Variants in HEATR5B observed in about 807,000 individuals in gnomAD.
The protein encoded by HEATR5B is HEAT repeat-containing protein 5B.
A neutral mutation model predicts 224.1 loss-of-function variants in HEATR5B; 156 were observed. The observed-to-expected ratio is 0.70, with a 90% confidence interval of 0.61 to 0.80. HEATR5B has a LOEUF of 0.80. HEATR5B is among the 30% of genes least tolerant of loss of function. The pLI is 0.00. For synonymous variants in HEATR5B, 1,027 were observed against 893.0 expected (o/e 1.15, Z -2.68); for missense variants, 2,323 against 2,535.5 (o/e 0.92, Z 1.80).
chr2:37,079,742 A>C (rs1358930128), intron 2 of HEATR5B, among the ~76,000 whole-genome samples: 1 of 152,212 alleles, frequency 6.6e-6, no homozygotes, highest in Non-Finnish European at 1.5e-5. Flanking sequence ...ATGAAACCAA[A>C]AGAAACTGAA....
chr2:36,982,863 T>TACACACCCACACAC (rs1665674342), intron 35 of HEATR5B, among the ~76,000 whole-genome samples: 1 of 126,002 alleles, frequency 7.9e-6, no homozygotes. Flanking sequence ...CAGACACAGA[T>TACACACCCACACAC]ACACACACAC....
In HEATR5B at chr2:37,028,865, G is replaced by T. The variant is rs766132586; in HGVS notation, c.3417C>A (p.His1139Gln). The T allele has an allele frequency of 6.2e-7, 1 of 1,613,912 alleles. No individual in the cohort carries two copies. Among genetic ancestry groups the T allele is most frequent in the East Asian group, 2.2e-5 (1 of 44,866 alleles). The part of the protein sequence containing the change: ...VSSRTDIHCR[H>Q]QGVNITETGL... Reference sequence around the variant, plus strand: ...CAGTTTCTGTTATATTAACACCTTGGTGCCGGCAATGGATATCAGTTCGAG... The same window carrying T: ...CAGTTTCTGTTATATTAACACCTTGTTGCCGGCAATGGATATCAGTTCGAG... The change falls in exon 23 of 36, where the codon CAC becomes CAA. Residue 1139 changes from histidine to glutamine, a missense_variant. Physicochemically the swap from His to Gln is conservative, Grantham distance 24. This residue lies in a region of HEATR5B where 339 missense variants were observed against 378.4 expected (regional missense o/e 0.90). Coordinates refer to ENST00000233099, the MANE Select transcript of HEATR5B (RefSeq NM_019024.3).
At chr2:37,060,540 T>A (rs10191403) in intron 12 of HEATR5B, 41 bp downstream of exon 12, 113,079 of 1,461,528 alleles carry the variant, frequency 0.077, 4,879 homozygotes, top group Non-Finnish European at 0.086. Context: ...ATATTTTAGT[T>A]ATGTCATAAT....
intron 35 of HEATR5B, 142 bp downstream of exon 35, chr2:36,988,504 C>A (rs147560316): frequency 6.4e-6 from 4 of 627,358 alleles, no homozygotes; most frequent in African/African-American, 5.5e-5. Flanking sequence ...TCGTGATCCA[C>A]CCACCTTGGC....
At chr2:37,049,311 G>A (rs1670388993) in intron 18 of HEATR5B, among the ~76,000 whole-genome samples, 1 of 152,092 alleles carries the variant, frequency 6.6e-6, no homozygotes, top group African/African-American at 2.4e-5. Flanking sequence ...GAATAAAGAG[G>A]GACAAGGAAA....
intron 12 of HEATR5B, among the ~76,000 whole-genome samples, chr2:37,059,985 T>A (rs1282362289): frequency 6.6e-6 from 1 of 152,174 alleles, no homozygotes; most frequent in African/African-American, 2.4e-5. Context: ...GAAGTAGTTT[T>A]CACTCTGAGA....
At chr2:36,985,161 G>A (rs1217099949) in intron 35 of HEATR5B, among the ~76,000 whole-genome samples, 1 of 152,156 alleles carries the variant, frequency 6.6e-6, no homozygotes, top group Non-Finnish European at 1.5e-5. Context: ...TTGGAATCAT[G>A]TAACTATGTA....
Position 37,083,445 on chromosome 2 carries a change from T to C in HEATR5B, c.-22-9A>G, listed in dbSNP as rs766584862. 6 of 1,582,522 alleles carry C rather than the reference T, an allele frequency of 3.8e-6. No individual in the cohort carries two copies. In the African/African-American group the frequency reaches 5.4e-5, roughly 14 times the overall value. On this transcript the variant is annotated splice_polypyrimidine_tract_variant and intron_variant, in intron 1 of 35. Transcript: ENST00000233099. ...AAGTTTGAAATTCACACCTTAAATT[T>C]AACAGAGTAAAAAATACTTGTAAGT...
intron 35 of HEATR5B, among the ~76,000 whole-genome samples, chr2:36,984,215 A>AAAAAAAAAAAAAAAAAAAAAAATAT: frequency 1.3e-5 from 1 of 77,642 alleles, no homozygotes; most frequent in African/African-American, 5.9e-5. Flanking sequence ...AAAAAAAAAA[A>AAAAAAAAAAAAAAAAAAAAAAATAT]ATATATATAT....
At chr2:37,036,698 G>A (rs956985622) in intron 21 of HEATR5B, among the ~76,000 whole-genome samples, 1 of 152,028 alleles carries the variant, frequency 6.6e-6, no homozygotes, top group Non-Finnish European at 1.5e-5. Flanking sequence ...TTTTAGTAGA[G>A]ATGAGGTTTG....
intron 26 of HEATR5B, among the ~76,000 whole-genome samples, chr2:37,014,641 C>A (rs1336732934): frequency 6.7e-6 from 1 of 149,588 alleles, no homozygotes; most frequent in East Asian, 1.9e-4. Flanking sequence ...CTGCTTACCA[C>A]AGGAAAAGGG....
chr2:37,045,169 A>G (rs1253741671), intron 18 of HEATR5B, among the ~76,000 whole-genome samples: 1 of 151,524 alleles, frequency 6.6e-6, no homozygotes, highest in Non-Finnish European at 1.5e-5. Flanking sequence ...TAATATTCTT[A>G]TTTGCTAATT....
At chr2:37,016,224 T>A (rs1668109496) in intron 26 of HEATR5B, among the ~76,000 whole-genome samples, 1 of 151,960 alleles carries the variant, frequency 6.6e-6, no homozygotes, top group South Asian at 2.1e-4. Context: ...GCCATTCTCT[T>A]GCCTCAGCCT....
In HEATR5B at chr2:37,000,669, G is replaced by C. The variant is rs1667030929; in HGVS notation, c.5462C>G (p.Ala1821Gly). 1 of 1,614,064 alleles carries C rather than the reference G, an allele frequency of 6.2e-7. No individual in the cohort carries two copies. Among genetic ancestry groups the C allele is most frequent in the Non-Finnish European group, 8.5e-7 (1 of 1,180,032 alleles). ...TTTTTGAACGCCAGCCTCAGTTTTG[G>C]CCATTGAAAGTGTCACAATACTTTT... ...GIKSIVTLSM[A>G]KTEAGVQKQW... The change falls in exon 33 of 36, where the codon GCC becomes GGC. Residue 1821 changes from alanine (A) to glycine (G), a missense_variant. Physicochemically the swap from Ala to Gly is moderately conservative, Grantham distance 60. Transcript: ENST00000233099.
At chr2:36,988,940 C>T in intron 34 of HEATR5B, 81 bp from the exon 35 acceptor site, 2 of 1,042,868 alleles carry the variant, frequency 1.9e-6, no homozygotes, top group Non-Finnish European at 2.9e-6. Flanking sequence ...TTACTATGTA[C>T]TGAAAATAAG....
chr2:37,028,683 C>G lies in HEATR5B; in HGVS notation c.3599G>C (p.Ser1200Thr). ...AAGAACGCACATTAAATACTTACCA[C>G]TAGAAGCTGCCAGGACATCTTTACA... ...MLCKDVLAAS[S>T]DMSTATLLSS... The change falls in exon 23 of 36, where the codon AGT (serine) becomes ACT (threonine). Residue 1200 changes from serine to threonine, a missense_variant and splice_region_variant. Coordinates refer to ENST00000233099, the MANE Select transcript of HEATR5B (RefSeq NM_019024.3). 6.2e-7 allele frequency: 1 copy of G among 1,613,826 alleles called. No homozygotes were observed. Among genetic ancestry groups the G allele is most frequent in the Non-Finnish European group, 8.5e-7 (1 of 1,179,832 alleles).
intron 16 of HEATR5B, among the ~76,000 whole-genome samples, chr2:37,054,921 G>C (rs1214467014): frequency 6.6e-6 from 1 of 152,190 alleles, no homozygotes; most frequent in African/African-American, 2.4e-5. Flanking sequence ...ATCTCCCTGA[G>C]GTCGCTGTAA....
In HEATR5B at chr2:36,984,237, T is replaced by TATATATATATATATATATAAAA. The variant is rs1217602304; in HGVS notation, c.5912-2444_5912-2443insTTTTATATATATATATATATAT. On this transcript the variant is annotated intron_variant, in intron 35 of 35. Transcript: ENST00000233099. ...AAAAATATATATATATATATATATA[T>TATATATATATATATATATAAAA]AAAACTGGAAAAAATATAAGTTATT... is the stretch of plus-strand genomic sequence containing the variant. Among the ~76,000 whole-genome samples the TATATATATATATATATATAAAA allele has an allele frequency of 2.7e-5, 3 of 112,048 alleles. No homozygotes were observed. In the Admixed American group the frequency reaches 2.8e-4, roughly 11 times the overall value. The allele number at this position is 112,048 out of a possible 152,430, so 73.5% of individuals were successfully genotyped here.
intron 10 of HEATR5B, among the ~76,000 whole-genome samples, chr2:37,062,786 A>G (rs1671363041): frequency 6.6e-6 from 1 of 152,072 alleles, no homozygotes; most frequent in Admixed American, 6.6e-5. Flanking sequence ...AGATTAGCTT[A>G]CTTATTTGTT....
Sources: gnomAD v4.1 joint callset for allele counts (sites outside exome capture counted in the v4.1 genomes callset) on GRCh38, gnomAD v4.1.1 for gene constraint, gnomAD v4.1.1 regional missense constraint, MANE v1.5 for transcripts, NCBI Gene and HGNC (gene_info 2026-07-23, HGNC 2026-07-21) for gene names.